Variants in PHF2 observed in about 807,000 individuals in gnomAD.
PHF2 encodes the protein PHD finger protein 2.
PHF2 carries 27 observed loss-of-function variants against 120.5 expected under a neutral mutation model. The observed-to-expected ratio is 0.22, with a 90% CI of 0.17 to 0.31. The LOEUF is 0.31. PHF2 is among the 10% of genes least tolerant of loss of function. The pLI is 1.00. For synonymous variants in PHF2, 568 were observed against 592.5 expected (o/e 0.96, Z 0.60); for missense variants, 1,024 against 1,434.8 (o/e 0.71, Z 4.63).
chr9:93,654,848 G>A (rs1826430697), intron 7 of PHF2, among the ~76,000 whole-genome samples: 1 of 152,234 alleles, frequency 6.6e-6, no homozygotes. Context: ...TCACCACCGA[G>A]GCCACCTTGG....
At chr9:93,585,184 A>G (rs541090738) in intron 1 of PHF2, among the ~76,000 whole-genome samples, 4 of 152,212 alleles carry the variant, frequency 2.6e-5, no homozygotes, top group Non-Finnish European at 4.4e-5. Context: ...GCATGCCTGC[A>G]TGCTTGCGAA....
rs142682904 is a variant in PHF2 at position 93,636,439 on chromosome 9, C to T, written c.213C>T (p.His71=). The T allele has an allele frequency of 2.6e-4, 416 of 1,609,682 alleles. 1 individual carries two copies. In the African/African-American group the frequency reaches 4.7e-3, roughly 18 times the overall value. ...AGAAGAAGCGGACCTGGCACAAACA[C>T]GGCCCGGGGCAAGCGCCTGACGTCA... is the stretch of plus-strand genomic sequence containing the variant. The part of the protein sequence containing the change: ...TLKKKRTWHK[H]GPGQAPDVKP... Residue 71 remains histidine, a synonymous_variant, in exon 3 of 22, where the codon CAC becomes CAT. Coordinates refer to ENST00000359246, the MANE Select transcript of PHF2 (RefSeq NM_005392.4).
chr9:93,674,798 G>A (rs754015021), intron 18 of PHF2, 129 bp from the exon 19 acceptor site: 70 of 649,844 alleles, frequency 1.1e-4, no homozygotes, highest in Non-Finnish European at 1.6e-4. Context: ...GTGACACAGC[G>A]TGGCAGGCCT....
chr9:93,584,642 C>A (rs77398150), intron 1 of PHF2, among the ~76,000 whole-genome samples: 2 of 152,180 alleles, frequency 1.3e-5, no homozygotes, highest in Non-Finnish European at 2.9e-5. Context: ...TTGATTACTG[C>A]AAAGTTGTAG....
chr9:93,649,950 GTGGACACA>G (rs1279169337), intron 5 of PHF2, among the ~76,000 whole-genome samples: 1 of 151,682 alleles, frequency 6.6e-6, no homozygotes, highest in Non-Finnish European at 1.5e-5. Flanking sequence ...TGACACACTA[GTGGACACA>G]TGGACACACA....
intron 1 of PHF2, among the ~76,000 whole-genome samples, chr9:93,586,864 G>A (rs542401663): frequency 9.2e-5 from 14 of 152,296 alleles, no homozygotes; most frequent in Middle Eastern, 6.8e-3. Flanking sequence ...GGGTGGCATG[G>A]CCCTCATCAC....
In PHF2 at chr9:93,647,719, G is replaced by A. The variant is rs771276587; in HGVS notation, c.461-1352G>A. 6.6e-5 allele frequency among the ~76,000 whole-genome samples: 10 copies of A among 152,108 alleles called. No homozygotes were observed. In the East Asian group the frequency reaches 9.7e-4, roughly 15 times the overall value. Reference sequence around the variant, plus strand: ...AGCCTGGCCAACATGGCAAAACCCCGTCTCTACTAAAAATACAGAAATTAG... The same window carrying A: ...AGCCTGGCCAACATGGCAAAACCCCATCTCTACTAAAAATACAGAAATTAG... On this transcript the variant is annotated intron_variant, in intron 4 of 21. Transcript: ENST00000359246.
intron 1 of PHF2, among the ~76,000 whole-genome samples, chr9:93,628,965 C>G (rs7018598): frequency 0.41 from 62,085 of 151,906 alleles, 13,105 homozygotes; most frequent in South Asian, 0.67. Flanking sequence ...GGTGCAATCT[C>G]GGCTCACTGC....
At chr9:93,668,103 C>T (rs139032800) in intron 17 of PHF2, among the ~76,000 whole-genome samples, 45 of 152,276 alleles carry the variant, frequency 3.0e-4, no homozygotes, top group Middle Eastern at 3.4e-3. Context: ...ATCAATTGGC[C>T]GTACTTTCTT....
At position 93,659,760 on chromosome 9, in the gene PHF2, T is replaced by G. The variant is rs75817819; in HGVS notation, c.1329+160T>G. The stretch of plus-strand genomic sequence containing the variant: ...TGCACTTTCCTGGGCAAGCTTGCCT[T>G]TGTGAGGGCTCAGGGTCCTAGGTCT... On this transcript the variant is annotated intron_variant, in intron 11 of 21. Coordinates refer to ENST00000359246, the MANE Select transcript of PHF2 (RefSeq NM_005392.4). 2.8e-3 allele frequency among the ~76,000 whole-genome samples: 424 copies of G among 152,244 alleles called. 18 individuals are homozygous for G. In the East Asian group the frequency reaches 0.07, roughly 25 times the overall value.
At chr9:93,675,833 A>G in intron 20 of PHF2, 44 bp downstream of exon 20, 2 of 1,474,190 alleles carry the variant, frequency 1.4e-6, no homozygotes, top group Non-Finnish European at 1.9e-6. Flanking sequence ...GGTCCCTGCT[A>G]CCCCCACCTG....
intron 10 of PHF2, 82 bp from the exon 11 acceptor site, chr9:93,659,429 G>T (rs1457424672): frequency 6.9e-6 from 8 of 1,154,960 alleles, no homozygotes; most frequent in Non-Finnish European, 1.0e-5. Flanking sequence ...TCGGCAGTCA[G>T]GCGACAGCCT....
chr9:93,621,287 T>C (rs1423590487), intron 1 of PHF2, among the ~76,000 whole-genome samples: 4 of 152,142 alleles, frequency 2.6e-5, no homozygotes, highest in African/African-American at 4.8e-5. Context: ...GGTGAGGGGG[T>C]GCTGAGGCCT....
intron 1 of PHF2, among the ~76,000 whole-genome samples, chr9:93,602,649 A>T (rs773182133): frequency 6.6e-6 from 1 of 151,554 alleles, no homozygotes; most frequent in Non-Finnish European, 1.5e-5. Context: ...CAGCAAGCTC[A>T]TGGTTATGCC....
intron 1 of PHF2, among the ~76,000 whole-genome samples, chr9:93,618,608 T>A (rs376351620): frequency 6.6e-6 from 1 of 152,272 alleles, no homozygotes; most frequent in Non-Finnish European, 1.5e-5. Context: ...TAAAACATGA[T>A]GTTCTTCACT....
At chr9:93,609,132 A>G (rs537482812) in intron 1 of PHF2, among the ~76,000 whole-genome samples, 29 of 125,352 alleles carry the variant, frequency 2.3e-4, no homozygotes, top group African/African-American at 7.0e-4. Context: ...TTTATGACTA[A>G]TCCAAGTCCT....
intron 1 of PHF2, among the ~76,000 whole-genome samples, chr9:93,606,975 C>T (rs1443448637): frequency 1.3e-5 from 2 of 152,114 alleles, no homozygotes; most frequent in Non-Finnish European, 2.9e-5. Context: ...CGTTGTATTG[C>T]TTTTGTTCCT....
intron 17 of PHF2, among the ~76,000 whole-genome samples, chr9:93,673,013 G>A (rs1277869797): frequency 6.6e-6 from 1 of 151,804 alleles, no homozygotes; most frequent in Non-Finnish European, 1.5e-5. Flanking sequence ...TGCAGGTGTG[G>A]GTAAAGGTGG....
rs1826964805 is a variant in PHF2, at chr9:93,678,558, C to T, written c.*882C>T. On this transcript the variant is annotated 3_prime_UTR_variant, in exon 22 of 22. Transcript: ENST00000359246. ...GCCCGAGGACTTACGGTCGGCACTT[C>T]TCTGTTCTCCCGTGTCAGCGTGTGG... 1 of 152,508 alleles carries T rather than the reference C, an allele frequency of 6.6e-6. No individual in the cohort carries two copies. The highest frequency in any genetic ancestry group is 2.1e-4 in the South Asian group (1 of 4,828). 9.4% of individuals were successfully genotyped at this position (152,508 alleles called of 1,614,324 possible). A position where few individuals can be genotyped will look rare whatever the true frequency, so the allele number is the denominator to read the frequency against.
Sources: gnomAD v4.1 joint callset for allele counts (sites outside exome capture counted in the v4.1 genomes callset) on GRCh38, gnomAD v4.1.1 for gene constraint, MANE v1.5 for transcripts, NCBI Gene and HGNC (gene_info 2026-07-23, HGNC 2026-07-21) for gene names.